The following CUX2 variants were observed in gnomAD, a reference collection of about 807,000 sequenced individuals.
The protein encoded by CUX2 is homeobox protein cut-like 2.
In CUX2, 40 loss-of-function variants were observed where a neutral mutation model predicts 144.8. That is an observed-to-expected ratio of 0.28 (90% CI 0.21 to 0.36). The LOEUF is 0.36. CUX2 is among the 10% of genes least tolerant of loss of function. The pLI is 1.00. For synonymous variants in CUX2, 827 were observed against 875.6 expected, an observed-to-expected ratio of 0.94 and a Z score of 0.98; for missense variants, 1,615 against 1,994.0, an observed-to-expected ratio of 0.81 and a Z score of 3.62.
At chr12:111,075,435 C>G (rs1196786667) in intron 1 of CUX2, among the ~76,000 whole-genome samples, 1 of 152,016 alleles carries the variant, frequency 6.6e-6, no homozygotes, top group Non-Finnish European at 1.5e-5. Context: ...TCTCTGGTCT[C>G]CTGGATGTTC....
chr12:111,332,202 G>C lies in CUX2; in HGVS notation c.2927-2239G>C, dbSNP rs1251333987. ...GGCTGGAGTGCAGTGGTGTGATCTC[G>C]GCTCTCTGCGAGCTCCGCCTCCCAG... On this transcript the variant is annotated intron_variant, in intron 18 of 21. Transcript: ENST00000261726. Among the ~76,000 whole-genome samples the C allele has an allele frequency of 2.9e-5, 4 of 135,838 alleles. No homozygotes were observed. In the South Asian group the frequency reaches 7.0e-4, roughly 24 times the overall value. 89.1% of individuals were successfully genotyped at this position (135,838 alleles called of 152,430 possible). A position where few individuals can be genotyped will look rare whatever the true frequency, so the allele number is the denominator to read the frequency against.
intron 1 of CUX2, among the ~76,000 whole-genome samples, chr12:111,091,199 G>A (rs1872531973): frequency 6.6e-6 from 1 of 152,206 alleles, no homozygotes; most frequent in Non-Finnish European, 1.5e-5. Flanking sequence ...CTCCAGCCAG[G>A]GCCAGGTGAG....
chr12:111,176,039 C>CTT (rs1172563784), intron 1 of CUX2, among the ~76,000 whole-genome samples: 427 of 70,126 alleles, frequency 6.1e-3, no homozygotes, highest in Non-Finnish European at 8.0e-3. Context: ...TCTTCTTCTT[C>CTT]TTTTTTTTTT....
intron 18 of CUX2, among the ~76,000 whole-genome samples, chr12:111,328,982 T>TCTCTCTCTCCCCCC (rs1887963639): frequency 1.7e-4 from 13 of 78,240 alleles, no homozygotes; most frequent in African/African-American, 1.0e-3. Context: ...TCTCCCCCTC[T>TCTCTCTCTCCCCCC]CTCCCTCTCT....
At chr12:111,301,758 TG>T (rs1184954667) in intron 9 of CUX2, among the ~76,000 whole-genome samples, 1 of 152,192 alleles carries the variant, frequency 6.6e-6, no homozygotes, top group African/African-American at 2.4e-5. Flanking sequence ...CTCACAGTCC[TG>T]GAATTATAGG....
intron 1 of CUX2, among the ~76,000 whole-genome samples, chr12:111,119,326 G>A (rs1433277380): frequency 1.3e-5 from 2 of 152,256 alleles, no homozygotes; most frequent in Non-Finnish European, 2.9e-5. Context: ...ACATTGGCTA[G>A]GCATGGTGGC....
In CUX2 at chr12:111,322,370, G is replaced by A; in HGVS notation, c.2767-51G>A. ...GGTTGGGGAGGAGAGTGAGGGCCAG[G>A]CCCATGTCCCAGGGGCCTGCTGACC... On this transcript the variant is annotated intron_variant, in intron 17 of 21. Coordinates refer to ENST00000261726, the MANE Select transcript of CUX2 (RefSeq NM_015267.4). The surrounding 1 kb of genome is among the most constrained non-coding windows in gnomAD (Gnocchi z 4.2). The A allele has an allele frequency of 7.0e-7, 1 of 1,434,542 alleles. No homozygotes were observed. Among genetic ancestry groups the A allele is most frequent in the Non-Finnish European group, 9.3e-7 (1 of 1,071,494 alleles). 88.9% of individuals were successfully genotyped at this position (1,434,542 alleles called of 1,614,324 possible). A position where few individuals can be genotyped will look rare whatever the true frequency, so the allele number is the denominator to read the frequency against.
intron 1 of CUX2, among the ~76,000 whole-genome samples, chr12:111,183,037 T>A (rs1035981826): frequency 6.6e-6 from 1 of 152,158 alleles, no homozygotes; most frequent in African/African-American, 2.4e-5. Context: ...TCTACCTGTT[T>A]GGGAGATGCA....
Position 111,348,116 on chromosome 12 carries a change from G to A in CUX2, c.4252G>A (p.Ala1418Thr). ...TGTGTCACCTGTCCCCTCCTCCTCA[G>A]CTCCCATCTCCCCATCCCCACCTGG... ...MSVSPVPSSS[A>T]PISPSPPGAP... is the part of the protein sequence containing the mutation. The change falls in exon 22 of 22, where the codon GCT (alanine) becomes ACT (threonine). Residue 1418 changes from alanine to threonine, a missense_variant. Ala to Thr is a moderately conservative substitution (Grantham distance 58, BLOSUM62 0). Around this residue, in one of 12 missense-constraint regions of CUX2, gnomAD observed 298 missense variants for 330.4 expected, o/e 0.90. Transcript: ENST00000261726. 1 of 1,614,056 alleles carries A rather than the reference G, an allele frequency of 6.2e-7. No individual in the cohort carries two copies. The highest frequency in any genetic ancestry group is 8.5e-7 in the Non-Finnish European group (1 of 1,180,000).
chr12:111,105,405 G>A (rs1360467220), intron 1 of CUX2, among the ~76,000 whole-genome samples: 1 of 152,222 alleles, frequency 6.6e-6, no homozygotes, highest in African/African-American at 2.4e-5. Context: ...TCCCAGGAAG[G>A]GGCTGACGGA....
intron 1 of CUX2, among the ~76,000 whole-genome samples, chr12:111,182,142 C>T (rs1039795200): frequency 1.4e-4 from 21 of 152,134 alleles, no homozygotes; most frequent in African/African-American, 4.3e-4. Context: ...GAAGCCCTCC[C>T]GAATGACTGT....
intron 1 of CUX2, among the ~76,000 whole-genome samples, chr12:111,206,763 A>G (rs1880943446): frequency 6.6e-6 from 1 of 152,216 alleles, no homozygotes; most frequent in South Asian, 2.1e-4. Flanking sequence ...GATGCTGGAC[A>G]AGATCAGTTG....
At chr12:111,218,501 G>C (rs995288071) in intron 3 of CUX2, among the ~76,000 whole-genome samples, 1 of 152,164 alleles carries the variant, frequency 6.6e-6, no homozygotes, top group South Asian at 2.1e-4. Context: ...GGGTGACAGA[G>C]CGAGACCCTG....
At chr12:111,139,608 C>G (rs1220491335) in intron 1 of CUX2, among the ~76,000 whole-genome samples, 1 of 152,168 alleles carries the variant, frequency 6.6e-6, no homozygotes, top group Non-Finnish European at 1.5e-5. Flanking sequence ...TCAGCCACAG[C>G]CAGCTGCTAT....
rs755560808 is a variant in CUX2, at chr12:111,186,987, G to A, written c.64-27213G>A. Among the ~76,000 whole-genome samples the A allele has an allele frequency of 6.6e-5, 10 of 152,106 alleles. No homozygotes were observed. The highest frequency in any genetic ancestry group is 1.0e-4 in the Non-Finnish European group (7 of 67,974). On this transcript the variant is annotated intron_variant, in intron 1 of 21. Transcript: ENST00000261726. This position sits in a 1 kb window ranked among gnomAD's most constrained non-coding sequence, Gnocchi z 4.4. ...AGAGATGGGGTTTTGCCATGTTGGC[G>A]AGGCTGGCTTCAAACTCCTGACCTC...
chr12:111,039,335 G>A lies in CUX2; in HGVS notation c.63+5095G>A, dbSNP rs1869623679. Among the ~76,000 whole-genome samples, 2 of 152,022 alleles carry A rather than the reference G, an allele frequency of 1.3e-5. No homozygotes were observed. The highest frequency in any genetic ancestry group is 1.3e-4 in the Admixed American group (2 of 15,268). ...TTTATGATGGTGTCATATACTGGAG[G>A]GTGTCAGGGATGGTAGAGGTTGGCA... On this transcript the variant is annotated intron_variant, in intron 1 of 21. Transcript: ENST00000261726. The surrounding 1 kb of genome is among the most constrained non-coding windows in gnomAD (Gnocchi z 4.2).
intron 1 of CUX2, among the ~76,000 whole-genome samples, chr12:111,147,933 T>C (rs1190020706): frequency 6.6e-6 from 1 of 152,204 alleles, no homozygotes; most frequent in Non-Finnish European, 1.5e-5. Context: ...GGCCTAGCTC[T>C]AGAAATACTG....
intron 2 of CUX2, among the ~76,000 whole-genome samples, chr12:111,215,020 A>C (rs938062482): frequency 4.5e-5 from 6 of 132,990 alleles, no homozygotes; most frequent in African/African-American, 2.1e-4. Context: ...TAGAGAAAAT[A>C]AAGCCCTCTG....
At chr12:111,267,502 G>A (rs1402061076) in intron 4 of CUX2, among the ~76,000 whole-genome samples, 1 of 152,220 alleles carries the variant, frequency 6.6e-6, no homozygotes, top group Non-Finnish European at 1.5e-5. Flanking sequence ...GTCTCATCAT[G>A]TATAACAAAT....
Sources: gnomAD v4.1 joint callset for allele counts (sites outside exome capture counted in the v4.1 genomes callset) on GRCh38, gnomAD v4.1.1 for gene constraint, gnomAD v4.1.1 regional missense constraint, Gnocchi (gnomAD v3.1) non-coding constraint, MANE v1.5 for transcripts, NCBI Gene and HGNC (gene_info 2026-07-23, HGNC 2026-07-21) for gene names.